The following SBNO2 variants were observed in gnomAD, a reference collection of about 807,000 sequenced individuals.
SBNO2 encodes the protein strawberry notch homolog 2, also known as protein strawberry notch homolog 2.
In SBNO2, 89 loss-of-function variants were observed where a neutral mutation model predicts 146.3. That is an observed-to-expected ratio of 0.61 (90% CI 0.51 to 0.73). The LOEUF (loss-of-function observed/expected upper bound fraction) is 0.73, where lower values mean the gene tolerates loss of function less well. Ranked by LOEUF, SBNO2 falls within the 30% of genes least tolerant of loss-of-function variation. The pLI is 0.00. For synonymous variants in SBNO2, 1,147 were observed against 892.6 expected, an observed-to-expected ratio of 1.29 and a Z score of -5.08; for missense variants, 2,092 against 2,003.7, an observed-to-expected ratio of 1.04 and a Z score of -0.84.
rs2079759670 is a variant in SBNO2, at chr19:1,111,520, G to A, written c.2795C>T (p.Pro932Leu). Residue 932 changes from proline to leucine, a missense_variant, in exon 24 of 32, where the codon CCC becomes CTC. By Grantham distance (98) the Pro-to-Leu change is moderately conservative. Coordinates refer to ENST00000361757, the MANE Select transcript of SBNO2 (RefSeq NM_014963.3). ...GCCCAGCTTACCCCGGAAGAAGGTG[G>A]GGACCCCTCCAGGGTATCCCTGGGG... ...PVPQGYPGGV[P>L]TFFRDMKQGL... The A allele has an allele frequency of 6.3e-7, 1 of 1,581,756 alleles. No homozygotes were observed. Among genetic ancestry groups the A allele is most frequent in the Non-Finnish European group, 8.6e-7 (1 of 1,164,202 alleles).
intron 1 of SBNO2, among the ~76,000 whole-genome samples, chr19:1,168,405 C>A (rs554165378): frequency 6.6e-6 from 1 of 152,152 alleles, no homozygotes; most frequent in Non-Finnish European, 1.5e-5. Context: ...TGAGACCCAC[C>A]CGGTAGCTTC....
chr19:1,112,544 G>T lies in SBNO2; in HGVS notation c.2380-7C>A. Reference sequence around the variant, plus strand: ...CCGAGATGATGGCCACGAGCTAGGGGGAAAGAAGGGGCCGGGACACGGTTG... The same window carrying T: ...CCGAGATGATGGCCACGAGCTAGGGTGAAAGAAGGGGCCGGGACACGGTTG... On this transcript the variant is annotated splice_region_variant and splice_polypyrimidine_tract_variant and intron_variant, in intron 20 of 31. Coordinates refer to ENST00000361757, the MANE Select transcript of SBNO2 (RefSeq NM_014963.3). The surrounding 1 kb of genome is among the most constrained non-coding windows in gnomAD (Gnocchi z 5.9). The T allele has an allele frequency of 6.3e-7, 1 of 1,594,382 alleles. No homozygotes were observed. The highest frequency in any genetic ancestry group is 8.5e-7 in the Non-Finnish European group (1 of 1,175,214).
At position 1,172,778 on chromosome 19, in the gene SBNO2, G is replaced by GCCCCCCCCCCCCCCCCCCACCCCC. The variant is rs201804891; in HGVS notation, c.-127+1393_-127+1394insGGGGGTGGGGGGGGGGGGGGGGGG. 8.3e-5 allele frequency among the ~76,000 whole-genome samples: 3 copies of GCCCCCCCCCCCCCCCCCCACCCCC among 36,302 alleles called. 1 individual carries two copies. Among genetic ancestry groups the GCCCCCCCCCCCCCCCCCCACCCCC allele is most frequent in the Non-Finnish European group, 1.4e-4 (3 of 22,052 alleles). 23.8% of individuals were successfully genotyped at this position (36,302 alleles called of 152,430 possible). On this transcript the variant is annotated intron_variant, in intron 1 of 31. Transcript: ENST00000361757. ...CCTCTGTAAAACACTCACTGCAACC[G>GCCCCCCCCCCCCCCCCCCACCCCC]CCCCCCCCGCCCCGGCAAACTGGCA... is the stretch of plus-strand genomic sequence containing the variant.
At chr19:1,152,518 C>T (rs1483719881) in intron 2 of SBNO2, among the ~76,000 whole-genome samples, 4 of 152,036 alleles carry the variant, frequency 2.6e-5, no homozygotes, top group East Asian at 3.9e-4. Flanking sequence ...GGAGGCTGAC[C>T]GACGGCCGGT....
chr19:1,142,467 G>A (rs2080150319), intron 4 of SBNO2, among the ~76,000 whole-genome samples: 4 of 152,238 alleles, frequency 2.6e-5, no homozygotes. Flanking sequence ...ATCGCCTGAG[G>A]TCAGGAGTTC....
intron 9 of SBNO2, 34 bp from the exon 10 acceptor site, chr19:1,122,592 T>TACCCCCCCCCC: frequency 6.9e-7 from 1 of 1,455,720 alleles, no homozygotes; most frequent in Non-Finnish European, 9.2e-7. Context: ...CGCCCACCCT[T>TACCCCCCCCCC]CCCCCTCGCC....
In SBNO2 at chr19:1,173,264, G is replaced by A. The variant is rs1386944224; in HGVS notation, c.-127+908C>T. Among the ~76,000 whole-genome samples the A allele has an allele frequency of 6.6e-6, 1 of 152,034 alleles. No homozygotes were observed. Among genetic ancestry groups the A allele is most frequent in the Non-Finnish European group, 1.5e-5 (1 of 68,014 alleles). ...CTGCGCTTCCCCTTCACCGACACACGCTGCTCCCGGGCCCCACTCGGGCCA... is the reference window on the plus strand; with the variant it reads ...CTGCGCTTCCCCTTCACCGACACACACTGCTCCCGGGCCCCACTCGGGCCA... On this transcript the variant is annotated intron_variant, in intron 1 of 31. Coordinates refer to ENST00000361757, the MANE Select transcript of SBNO2 (RefSeq NM_014963.3). The surrounding 1 kb of genome is among the most constrained non-coding windows in gnomAD (Gnocchi z 4.7).
chr19:1,151,530 G>A (rs1045097558), intron 2 of SBNO2, among the ~76,000 whole-genome samples: 2 of 152,220 alleles, frequency 1.3e-5, no homozygotes, highest in South Asian at 4.1e-4. Context: ...AGGCCAATCA[G>A]AGTCTTCCCT....
intron 1 of SBNO2, among the ~76,000 whole-genome samples, chr19:1,168,216 C>T (rs538464932): frequency 1.3e-5 from 2 of 152,172 alleles, no homozygotes; most frequent in Admixed American, 1.3e-4. Context: ...GTGCCCAGAC[C>T]TCAGGGCCAC....
At chr19:1,172,774 A>ACCCCCC (rs1568659622) in intron 1 of SBNO2, among the ~76,000 whole-genome samples, 1 of 49,656 alleles carries the variant, frequency 2.0e-5, no homozygotes, top group Non-Finnish European at 3.2e-5. Flanking sequence ...CACTCACTGC[A>ACCCCCC]ACCGCCCCCC....
intron 8 of SBNO2, 25 bp from the exon 9 acceptor site, chr19:1,122,816 G>T (rs1209488372): frequency 1.1e-5 from 17 of 1,537,998 alleles, no homozygotes; most frequent in Non-Finnish European, 1.4e-5. Context: ...CAGGCGTCAG[G>T]GCCTGGGGGT....
intron 4 of SBNO2, among the ~76,000 whole-genome samples, chr19:1,131,026 G>A (rs886798465): frequency 3.3e-5 from 5 of 152,170 alleles, no homozygotes; most frequent in African/African-American, 1.2e-4. Context: ...GTGGGAAGCT[G>A]AACAGAGCCA....
At chr19:1,147,489 AC>A in intron 3 of SBNO2, 69 bp from the exon 4 acceptor site, 1 of 896,680 alleles carries the variant, frequency 1.1e-6, no homozygotes, top group Non-Finnish European at 1.6e-6. Context: ...ACACACCTGC[AC>A]CCCCATGGCC....
rs1321128990 is a variant in SBNO2 at position 1,158,684 on chromosome 19, A to G, written c.-126-4282T>C. Among the ~76,000 whole-genome samples, 2 of 152,144 alleles carry G rather than the reference A, an allele frequency of 1.3e-5. No individual in the cohort carries two copies. Among genetic ancestry groups the G allele is most frequent in the Non-Finnish European group, 2.9e-5 (2 of 67,996 alleles). On this transcript the variant is annotated intron_variant, in intron 1 of 31. Coordinates refer to ENST00000361757, the MANE Select transcript of SBNO2 (RefSeq NM_014963.3). This position sits in a 1 kb window ranked among gnomAD's most constrained non-coding sequence, Gnocchi z 9.9. Reference sequence around the variant, plus strand: ...GATGGAGCCCGGCAGAGGCCACCGCACAGTCCCTGGAGGCCGCATTACCTC... The same window carrying G: ...GATGGAGCCCGGCAGAGGCCACCGCGCAGTCCCTGGAGGCCGCATTACCTC...
chr19:1,123,713 G>A (rs2079932792), intron 6 of SBNO2, 74 bp from the exon 7 acceptor site: 2 of 1,429,304 alleles, frequency 1.4e-6, no homozygotes, highest in Non-Finnish European at 1.9e-6. Flanking sequence ...CCCAGGGGCA[G>A]GGGCCAGGCT....
intron 1 of SBNO2, among the ~76,000 whole-genome samples, chr19:1,171,252 A>AAC (rs1188810863): frequency 6.6e-6 from 1 of 152,056 alleles, no homozygotes; most frequent in Non-Finnish European, 1.5e-5. Flanking sequence ...ACATCCGTAC[A>AAC]ACACACACAC....
intron 1 of SBNO2, among the ~76,000 whole-genome samples, chr19:1,164,806 G>A (rs2080392579): frequency 6.7e-4 from 1 of 1,500 alleles, no homozygotes; most frequent in Admixed American, 5.6e-3. Context: ...GGAGGAGGAG[G>A]AGGAGGAGCA....
intron 19 of SBNO2, 116 bp downstream of exon 19, chr19:1,113,419 G>C (rs1190614331): frequency 2.0e-6 from 2 of 977,414 alleles, no homozygotes; most frequent in East Asian, 5.9e-5. Flanking sequence ...TCCTCGCAGG[G>C]CCGCGGAGAC....
rs1285610068 is a variant in SBNO2, at chr19:1,144,034, G to C, written c.279+3275C>G. On this transcript the variant is annotated intron_variant, in intron 4 of 31. Transcript: ENST00000361757. The surrounding 1 kb of genome is among the most constrained non-coding windows in gnomAD (Gnocchi z 4.1). The stretch of plus-strand genomic sequence containing the variant: ...CCGTGGCTGGCTGGGCTGCGCTGGG[G>C]GGCACGGCGCAAAGGGCCTCGAACA... Among the ~76,000 whole-genome samples, 1 of 152,222 alleles carries C rather than the reference G, an allele frequency of 6.6e-6. No individual in the cohort carries two copies. The highest frequency in any genetic ancestry group is 1.5e-5 in the Non-Finnish European group (1 of 68,028).
Sources: gnomAD v4.1 joint callset for allele counts (sites outside exome capture counted in the v4.1 genomes callset) on GRCh38, gnomAD v4.1.1 for gene constraint, Gnocchi (gnomAD v3.1) non-coding constraint, MANE v1.5 for transcripts, NCBI Gene and HGNC (gene_info 2026-07-23, HGNC 2026-07-21) for gene names.